Variants in HPCAL1 observed in about 807,000 individuals in gnomAD.
The protein encoded by HPCAL1 is hippocalcin-like protein 1.
HPCAL1 carries 8 observed loss-of-function variants against 17.1 expected under a neutral mutation model. The observed-to-expected ratio is 0.47, with a 90% CI of 0.27 to 0.84. The LOEUF (loss-of-function observed/expected upper bound fraction) is 0.84, where lower values mean the gene tolerates loss of function less well. Ranked by LOEUF, HPCAL1 falls within the 40% of genes least tolerant of loss-of-function variation. The pLI is 0.13. For missense variants in HPCAL1, 165 were observed against 271.1 expected (o/e 0.61, Z 2.75); for synonymous variants, 112 against 111.4 (o/e 1.01, Z -0.03).
chr2:10,397,296 T>C (rs1558515515), intron 2 of HPCAL1, among the ~76,000 whole-genome samples: 1 of 152,132 alleles, frequency 6.6e-6, no homozygotes, highest in Non-Finnish European at 1.5e-5. Flanking sequence ...ACTGTCTTAG[T>C]GTCCGGGTTT....
At chr2:10,392,923 G>A (rs552416228) in intron 1 of HPCAL1, among the ~76,000 whole-genome samples, 10 of 152,320 alleles carry the variant, frequency 6.6e-5, no homozygotes, top group Admixed American at 5.9e-4. Flanking sequence ...TGGGGAGTTC[G>A]GATGTCCCCT....
intron 1 of HPCAL1, among the ~76,000 whole-genome samples, chr2:10,358,627 G>A (rs1465282671): frequency 6.6e-6 from 1 of 152,208 alleles, no homozygotes; most frequent in East Asian, 1.9e-4. Flanking sequence ...AGGACGTCGG[G>A]GGAACATGCC....
At chr2:10,315,151 G>T (rs1553339785) in intron 1 of HPCAL1, among the ~76,000 whole-genome samples, 1 of 152,088 alleles carries the variant, frequency 6.6e-6, no homozygotes, top group Non-Finnish European at 1.5e-5. Context: ...AAATTAGCCG[G>T]GCGTGGTGGC....
At chr2:10,410,763 T>C (rs1158102188) in intron 2 of HPCAL1, among the ~76,000 whole-genome samples, 1 of 134,480 alleles carries the variant, frequency 7.4e-6, no homozygotes, top group Non-Finnish European at 1.6e-5. Flanking sequence ...GTTTGCCTAA[T>C]TACTGGAGCA....
Position 10,420,001 on chromosome 2 carries a change from T to A in HPCAL1, c.244T>A (p.Phe82Ile). ...CACCAACGGCGACGGCACCATCGAC[T>A]TCCGGGAGTTCATCATTGCGCTGAG... The part of the protein sequence containing the change: ...FDTNGDGTID[F>I]REFIIALSVT... Residue 82 changes from phenylalanine (F) to isoleucine (I), a missense_variant, in exon 3 of 5, where the codon TTC becomes ATC. Coordinates refer to ENST00000307845, the MANE Select transcript of HPCAL1 (RefSeq NM_002149.4). 1 of 1,613,994 alleles carries A rather than the reference T, an allele frequency of 6.2e-7. No homozygotes were observed. Among genetic ancestry groups the A allele is most frequent in the Non-Finnish European group, 8.5e-7 (1 of 1,180,030 alleles).
intron 1 of HPCAL1, among the ~76,000 whole-genome samples, chr2:10,393,699 A>T (rs1413548716): frequency 1.3e-5 from 2 of 152,136 alleles, no homozygotes; most frequent in Non-Finnish European, 2.9e-5. Context: ...CTCAATGTGG[A>T]GATAGGGTGT....
intron 2 of HPCAL1, chr2:10,406,364 A>C (rs1163182272): frequency 6.6e-6 from 1 of 152,002 alleles, no homozygotes; most frequent in Non-Finnish European, 1.5e-5. Flanking sequence ...GAGCCCACGT[A>C]AGTCTCTTCA....
Position 10,371,349 on chromosome 2 carries a change from C to T in HPCAL1, c.-110-25486C>T, listed in dbSNP as rs527724974. Among the ~76,000 whole-genome samples, 137 of 142,712 alleles carry T rather than the reference C, an allele frequency of 9.6e-4. 1 individual carries two copies. The highest frequency in any genetic ancestry group is 3.5e-3 in the African/African-American group (129 of 37,254). The allele number at this position is 142,712 out of a possible 152,430, so 93.6% of individuals were successfully genotyped here. A position where few individuals can be genotyped will look rare whatever the true frequency, so the allele number is the denominator to read the frequency against. On this transcript the variant is annotated intron_variant, in intron 1 of 4. Transcript: ENST00000307845. Reference sequence around the variant, plus strand: ...CCGTCTTTTACCCTCTTCTGGCTCTCCTCCAAGAAGAGCTTTTCCTAAATC... The same window carrying T: ...CCGTCTTTTACCCTCTTCTGGCTCTTCTCCAAGAAGAGCTTTTCCTAAATC...
intron 1 of HPCAL1, among the ~76,000 whole-genome samples, chr2:10,355,279 G>A (rs939113202): frequency 5.3e-5 from 8 of 151,312 alleles, no homozygotes; most frequent in Admixed American, 2.0e-4. Flanking sequence ...GGGAAACCCC[G>A]TCTCTACTAA....
chr2:10,351,900 T>C (rs1325721670), intron 1 of HPCAL1, among the ~76,000 whole-genome samples: 1 of 134,214 alleles, frequency 7.5e-6, no homozygotes, highest in Non-Finnish European at 1.7e-5. Context: ...TCCTTCCTTC[T>C]TTCTTTCTTT....
intron 4 of HPCAL1, chr2:10,425,351 C>G (rs952150643): frequency 1.3e-5 from 2 of 152,462 alleles, no homozygotes; most frequent in East Asian, 3.9e-4. Flanking sequence ...CTACCCACCC[C>G]TTAGCCCGGG....
At chr2:10,410,577 C>G (rs1028895280) in intron 2 of HPCAL1, among the ~76,000 whole-genome samples, 2 of 151,258 alleles carry the variant, frequency 1.3e-5, no homozygotes, top group African/African-American at 4.9e-5. Flanking sequence ...AACGTCATCT[C>G]TGATGCCCTC....
At position 10,359,216 on chromosome 2, in the gene HPCAL1, C is replaced by T. The variant is rs1357301331; in HGVS notation, c.-110-37619C>T. Among the ~76,000 whole-genome samples, 2 of 152,156 alleles carry T rather than the reference C, an allele frequency of 1.3e-5. No individual in the cohort carries two copies. Among genetic ancestry groups the T allele is most frequent in the East Asian group, 3.9e-4 (2 of 5,186 alleles). On this transcript the variant is annotated intron_variant, in intron 1 of 4. Coordinates refer to ENST00000307845, the MANE Select transcript of HPCAL1 (RefSeq NM_002149.4). The surrounding 1 kb of genome is among the most constrained non-coding windows in gnomAD (Gnocchi z 4.1). ...TGCTGTTTTCTGAAATTCCTGGTGG[C>T]CACTCCCTTGGTGTCCATGGGTGTC... is the stretch of plus-strand genomic sequence containing the variant.
intron 2 of HPCAL1, among the ~76,000 whole-genome samples, chr2:10,410,749 C>T (rs1378503067): frequency 1.3e-5 from 2 of 149,120 alleles, no homozygotes; most frequent in Non-Finnish European, 3.0e-5. Flanking sequence ...GAAATGAAGG[C>T]TGGGTTTGCC....
In HPCAL1 at chr2:10,342,014, TA is replaced by T. The variant is rs1173520521; in HGVS notation, c.-111+38840del. On this transcript the variant is annotated intron_variant, in intron 1 of 4. Coordinates refer to ENST00000307845, the MANE Select transcript of HPCAL1 (RefSeq NM_002149.4). The surrounding 1 kb of genome is among the most constrained non-coding windows in gnomAD (Gnocchi z 4.1). ...CTAGATAAAGTTTTTTTTTTTTTTT[TA>T]AATTAGCCAGATGTGGTGGTGGTGT... 6.6e-6 allele frequency among the ~76,000 whole-genome samples: 1 copy of T among 151,064 alleles called. No individual in the cohort carries two copies. Among genetic ancestry groups the T allele is most frequent in the Non-Finnish European group, 1.5e-5 (1 of 67,750 alleles).
At chr2:10,424,868 G>C in intron 4 of HPCAL1, 1 of 339,430 alleles carries the variant, frequency 2.9e-6, no homozygotes, top group Non-Finnish European at 5.9e-6. Context: ...GGCCACCCTG[G>C]AAGGTGCCTG....
Position 10,310,394 on chromosome 2 carries a change from CT to C in HPCAL1, c.-111+7221del, listed in dbSNP as rs1358662565. On this transcript the variant is annotated intron_variant, in intron 1 of 4. Coordinates refer to ENST00000307845, the MANE Select transcript of HPCAL1 (RefSeq NM_002149.4). This position sits in a 1 kb window ranked among gnomAD's most constrained non-coding sequence, Gnocchi z 4.5. ...TCCTCTGCCACTGAGTACAGAATTC[CT>C]TTTCAAATTCGGGCTTATGAGGCAT... 6.6e-6 allele frequency among the ~76,000 whole-genome samples: 1 copy of C among 152,120 alleles called. No homozygotes were observed. Among genetic ancestry groups the C allele is most frequent in the East Asian group, 1.9e-4 (1 of 5,202 alleles).
At position 10,395,113 on chromosome 2, in the gene HPCAL1, AACACACACACACACACACACACACAC is replaced by A; in HGVS notation, c.-110-1701_-110-1676del. Among the ~76,000 whole-genome samples the A allele has an allele frequency of 2.2e-5, 3 of 138,462 alleles. 1 individual carries two copies. 90.8% of individuals were successfully genotyped at this position (138,462 alleles called of 152,430 possible). A position where few individuals can be genotyped will look rare whatever the true frequency, so the allele number is the denominator to read the frequency against. On this transcript the variant is annotated intron_variant, in intron 1 of 4. Coordinates refer to ENST00000307845, the MANE Select transcript of HPCAL1 (RefSeq NM_002149.4). This position sits in a 1 kb window ranked among gnomAD's most constrained non-coding sequence, Gnocchi z 4.4. Reference sequence around the variant, plus strand: ...TGTCCAGCCTAAAATCTATCTTTAAAACACACACACACACACACACACACACACACACACACACACACACACTGCTA... The same window carrying A: ...TGTCCAGCCTAAAATCTATCTTTAAAACACACACACACACACACACTGCTA...
chr2:10,391,449 G>A (rs949271335), intron 1 of HPCAL1, among the ~76,000 whole-genome samples: 1 of 152,170 alleles, frequency 6.6e-6, no homozygotes, highest in African/African-American at 2.4e-5. Flanking sequence ...TTGTGGAAAT[G>A]TAATTCACAT....
Sources: allele counts gnomAD v4.1 joint callset (sites outside exome capture counted in the v4.1 genomes callset), GRCh38; gene constraint gnomAD v4.1.1; non-coding constraint Gnocchi (gnomAD v3.1); transcripts MANE v1.5; gene names NCBI Gene and HGNC (gene_info 2026-07-23, HGNC 2026-07-21).